The following MRPL3 variants were observed in gnomAD, a reference collection of about 807,000 sequenced individuals.
MRPL3 encodes mitochondrial ribosomal protein L3, also known as large ribosomal subunit protein uL3m.
A neutral mutation model predicts 44.3 loss-of-function variants in MRPL3; 43 were observed. That is an observed-to-expected ratio of 0.97 (90% CI 0.76 to 1.25). The LOEUF (loss-of-function observed/expected upper bound fraction) is 1.25. Ranked by LOEUF, MRPL3 falls within the 50% of genes most tolerant of loss-of-function variation. The pLI, the probability that MRPL3 is intolerant of heterozygous loss-of-function variation, is 0.00. For synonymous variants in MRPL3, 171 were observed against 152.3 expected (o/e 1.12, Z -0.91); for missense variants, 406 against 427.6 (o/e 0.95, Z 0.45).
intron 7 of MRPL3, 69 bp downstream of exon 7, chr3:131,471,102 C>T (rs963142087): frequency 1.5e-5 from 16 of 1,065,826 alleles, no homozygotes; most frequent in South Asian, 1.3e-5. Flanking sequence ...ATATCAAGGA[C>T]GGACTGAGGA....
intron 4 of MRPL3, among the ~76,000 whole-genome samples, chr3:131,491,484 A>G (rs1232192024): frequency 1.3e-5 from 2 of 152,110 alleles, no homozygotes; most frequent in Non-Finnish European, 2.9e-5. Flanking sequence ...CTCCACTTCA[A>G]TGTCATATAG....
chr3:131,464,245 C>T (rs897497886), intron 9 of MRPL3, among the ~76,000 whole-genome samples: 3 of 152,098 alleles, frequency 2.0e-5, no homozygotes, highest in African/African-American at 7.2e-5. Context: ...TCATCAATGA[C>T]CCAAAGAGAT....
chr3:131,476,308 A>AGATTAG (rs1553717412), intron 6 of MRPL3, among the ~76,000 whole-genome samples: 19 of 152,214 alleles, frequency 1.2e-4, no homozygotes, highest in Non-Finnish European at 1.9e-4. Context: ...TAGGGAGAAC[A>AGATTAG]GAGTGTACCT....
At chr3:131,501,840 A>G in intron 1 of MRPL3, 125 bp from the exon 2 acceptor site, 1 of 1,572,854 alleles carries the variant, frequency 6.4e-7, no homozygotes, top group South Asian at 1.1e-5. Flanking sequence ...TGGATTCTGT[A>G]TACCTTTTTT....
intron 6 of MRPL3, among the ~76,000 whole-genome samples, chr3:131,476,462 TATAAA>T (rs1933854488): frequency 6.6e-6 from 1 of 152,172 alleles, no homozygotes; most frequent in Non-Finnish European, 1.5e-5. Context: ...CCACAGGTCA[TATAAA>T]ATAAAATCTT....
chr3:131,488,170 C>T (rs1306863809), intron 5 of MRPL3, among the ~76,000 whole-genome samples: 2 of 152,148 alleles, frequency 1.3e-5, no homozygotes, highest in African/African-American at 4.8e-5. Context: ...CCAAGTCCCT[C>T]ATATGGTGTG....
chr3:131,481,893 C>A (rs757988869), intron 6 of MRPL3, among the ~76,000 whole-genome samples: 13 of 152,348 alleles, frequency 8.5e-5, no homozygotes, highest in South Asian at 8.3e-4. Flanking sequence ...GACAGCACAG[C>A]AACTGTATCC....
At chr3:131,469,877 A>AT (rs1933704372) in intron 7 of MRPL3, 104 bp from the exon 8 acceptor site, 1 of 707,876 alleles carries the variant, frequency 1.4e-6, no homozygotes. Context: ...AAAATGTTTT[A>AT]TTTTTCCCCT....
chr3:131,497,662 T>TA (rs930873011), intron 4 of MRPL3, among the ~76,000 whole-genome samples: 8 of 151,990 alleles, frequency 5.3e-5, no homozygotes, highest in East Asian at 1.9e-4. Context: ...AATGCTTTAT[T>TA]AAAAAAAATC....
chr3:131,498,463 G>A (rs1372010527), intron 3 of MRPL3, among the ~76,000 whole-genome samples, 186 bp from the exon 4 acceptor site: 3 of 151,234 alleles, frequency 2.0e-5, no homozygotes, highest in Non-Finnish European at 4.4e-5. Context: ...CACACTTTGG[G>A]AGGCCGAGGC....
chr3:131,486,439 GAA>G (rs36174766), intron 6 of MRPL3, among the ~76,000 whole-genome samples: 7 of 133,186 alleles, frequency 5.3e-5, no homozygotes, highest in African/African-American at 2.0e-4. Context: ...CAGAATGGGA[GAA>G]AAATTTTTTT....
At chr3:131,488,587 A>G (rs1268398721) in intron 5 of MRPL3, 2 of 152,162 alleles carry the variant, frequency 1.3e-5, no homozygotes, top group Non-Finnish European at 2.9e-5. Context: ...CCTGACAGCA[A>G]GAAATTTATT....
chr3:131,487,915 T>C (rs939187606), intron 5 of MRPL3, among the ~76,000 whole-genome samples, 175 bp from the exon 6 acceptor site: 10 of 152,240 alleles, frequency 6.6e-5, no homozygotes, highest in Non-Finnish European at 1.3e-4. Context: ...TGTCTTTTGA[T>C]TGACTTCACA....
chr3:131,501,217 A>T (rs74933137), intron 2 of MRPL3, among the ~76,000 whole-genome samples: 1 of 152,348 alleles, frequency 6.6e-6, no homozygotes, highest in Middle Eastern at 3.4e-3. Context: ...TACAATTTAC[A>T]TCATACTCTT....
rs966195046 is a variant in MRPL3 at position 131,487,668 on chromosome 3, A to T, written c.629+12T>A. 14 of 1,604,792 alleles carry T rather than the reference A, an allele frequency of 8.7e-6. No individual in the cohort carries two copies. Among genetic ancestry groups the T allele is most frequent in the African/African-American group, 1.3e-5 (1 of 74,546 alleles). On this transcript the variant is annotated intron_variant, in intron 6 of 9. Transcript: ENST00000264995. ...AAACAAAAGGAAAAGAGAACTCGCT[A>T]TGAGGACCTACGTTTTGGCTGTGAC...
intron 6 of MRPL3, among the ~76,000 whole-genome samples, chr3:131,482,509 C>T (rs1023494416): frequency 2.7e-5 from 4 of 147,154 alleles, no homozygotes; most frequent in African/African-American, 7.5e-5. Flanking sequence ...AGCAAGACTC[C>T]GTCTCAAAAA....
chr3:131,492,210 A>G (rs988185504), intron 4 of MRPL3, among the ~76,000 whole-genome samples: 1 of 152,082 alleles, frequency 6.6e-6, no homozygotes, highest in African/African-American at 2.4e-5. Flanking sequence ...GCCTACTTTT[A>G]TTTTATTAAA....
Position 131,462,749 on chromosome 3 carries a change from C to G in MRPL3, c.1021G>C (p.Gly341Arg), listed in dbSNP as rs201060753. The change falls in exon 10 of 10, where the codon GGT becomes CGT. Residue 341 changes from glycine (G) to arginine (R), a missense_variant. Physicochemically the swap from Gly to Arg is moderately radical, Grantham distance 125. Transcript: ENST00000264995. Reference sequence around the variant, plus strand: ...TAGGCAAATGTAATAGAAGGCGCACCGGGCTGACACACGTTTTCATCATAC... The same window carrying G: ...TAGGCAAATGTAATAGAAGGCGCACGGGGCTGACACACGTTTTCATCATAC... ...DLYDENVCQP[G>R]APSITFA 1.6e-5 allele frequency: 25 copies of G among 1,611,212 alleles called. No individual in the cohort carries two copies. Among genetic ancestry groups the G allele is most frequent in the African/African-American group, 9.4e-5 (7 of 74,754 alleles).
chr3:131,500,412 C>T lies in MRPL3; in HGVS notation c.369+18G>A, dbSNP rs954652084. 6.3e-7 allele frequency: 1 copy of T among 1,590,278 alleles called. No homozygotes were observed. Among genetic ancestry groups the T allele is most frequent in the Non-Finnish European group, 8.6e-7 (1 of 1,158,802 alleles). On this transcript the variant is annotated intron_variant, in intron 3 of 9. Transcript: ENST00000264995. ...TGAAACACATAGATATCTCTTACGT[C>T]TTCTGTTTCTCTCTTACCTGAAGTA...
Sources: allele counts gnomAD v4.1 joint callset (sites outside exome capture counted in the v4.1 genomes callset), GRCh38; gene constraint gnomAD v4.1.1; transcripts MANE v1.5; gene names NCBI Gene and HGNC (gene_info 2026-07-23, HGNC 2026-07-21).